The following SVOPL variants were observed in gnomAD, a reference collection of about 807,000 sequenced individuals.
The protein encoded by SVOPL is SVOP like.
In SVOPL, 60 loss-of-function variants were observed where a neutral mutation model predicts 61.0. That is an observed-to-expected ratio of 0.98 (90% CI 0.80 to 1.22). The LOEUF (loss-of-function observed/expected upper bound fraction) is 1.22, where lower values mean the gene tolerates loss of function less well. Among genes scored for constraint, SVOPL ranks in the 50% most tolerant of loss-of-function variants. SVOPL has a pLI of 0.00. For missense variants in SVOPL, 662 were observed against 643.9 expected (o/e 1.03, Z -0.30); for synonymous variants, 279 against 250.0 (o/e 1.12, Z -1.09).
intron 9 of SVOPL, among the ~76,000 whole-genome samples, chr7:138,640,672 CAA>C (rs1800738527): frequency 1.3e-5 from 2 of 152,096 alleles, no homozygotes; most frequent in African/African-American, 4.8e-5. Flanking sequence ...AACAGAAAGC[CAA>C]ATACCATATG....
intron 9 of SVOPL, among the ~76,000 whole-genome samples, chr7:138,641,813 G>GTT (rs1001773262): frequency 1.4e-4 from 3 of 21,860 alleles, no homozygotes; most frequent in African/African-American, 3.7e-4. Context: ...ATATATATAT[G>GTT]TTATATATAT....
intron 5 of SVOPL, 104 bp downstream of exon 5, chr7:138,662,970 G>C (rs1223371827): frequency 1.9e-6 from 3 of 1,560,318 alleles, no homozygotes; most frequent in Non-Finnish European, 2.6e-6. Flanking sequence ...TTTCTATCTT[G>C]GGTATTGGGA....
chr7:138,671,873 A>C lies in SVOPL; in HGVS notation c.273+146T>G, dbSNP rs1369600839. On this transcript the variant is annotated intron_variant, in intron 4 of 15. Coordinates refer to ENST00000674285, the MANE Select transcript of SVOPL (RefSeq NM_001139456.2). Reference sequence around the variant, plus strand: ...TGCTAGGAAAAGAAAAAGGTGACGAAGACATCAAATGCTGCAAACCCTTGA... The same window carrying C: ...TGCTAGGAAAAGAAAAAGGTGACGACGACATCAAATGCTGCAAACCCTTGA... The C allele has an allele frequency of 1.4e-5, 9 of 657,738 alleles. No individual in the cohort carries two copies. In the East Asian group the frequency reaches 2.2e-4, roughly 16 times the overall value. The allele number at this position is 657,738 out of a possible 1,614,324, so 40.7% of individuals were successfully genotyped here. A position where few individuals can be genotyped will look rare whatever the true frequency, so the allele number is the denominator to read the frequency against.
At chr7:138,615,962 C>A (rs1236710781) in intron 14 of SVOPL, among the ~76,000 whole-genome samples, 3 of 140,206 alleles carry the variant, frequency 2.1e-5, no homozygotes, top group African/African-American at 5.4e-5. Context: ...CCTCACTAGA[C>A]CCAGTTTAAG....
At chr7:138,688,250 CAGT>C (rs1221106401) in intron 1 of SVOPL, among the ~76,000 whole-genome samples, 3 of 151,462 alleles carry the variant, frequency 2.0e-5, no homozygotes, top group Non-Finnish European at 4.4e-5. Context: ...ACTTCCTACT[CAGT>C]AGGATGCCGA....
At chr7:138,643,439 A>C (rs966250812) in intron 9 of SVOPL, among the ~76,000 whole-genome samples, 1 of 151,542 alleles carries the variant, frequency 6.6e-6, no homozygotes, top group Non-Finnish European at 1.5e-5. Flanking sequence ...AAAAAAAAAA[A>C]AAAGAAAGTG....
intron 10 of SVOPL, among the ~76,000 whole-genome samples, chr7:138,628,591 C>T (rs767712411): frequency 6.6e-6 from 1 of 152,156 alleles, no homozygotes; most frequent in Non-Finnish European, 1.5e-5. Context: ...CCATAGTATA[C>T]ACATATTTCC....
At chr7:138,600,716 C>A (rs754117277) in intron 14 of SVOPL, among the ~76,000 whole-genome samples, 2 of 151,946 alleles carry the variant, frequency 1.3e-5, no homozygotes, top group Non-Finnish European at 1.5e-5. Context: ...ATACAAATGG[C>A]CAAGAGGTAT....
chr7:138,639,160 C>T (rs1800651564), intron 9 of SVOPL, among the ~76,000 whole-genome samples: 1 of 152,074 alleles, frequency 6.6e-6, no homozygotes, highest in Non-Finnish European at 1.5e-5. Context: ...GGGGCTGAGG[C>T]AGGAGAATTG....
chr7:138,678,724 C>T (rs771800275), intron 2 of SVOPL, among the ~76,000 whole-genome samples, 199 bp from the exon 3 acceptor site: 42 of 152,212 alleles, frequency 2.8e-4, no homozygotes, highest in Middle Eastern at 3.4e-3. Flanking sequence ...ACACCCACTG[C>T]CACACTGGCC....
At chr7:138,653,217 A>G (rs1208292499) in intron 7 of SVOPL, among the ~76,000 whole-genome samples, 1 of 152,190 alleles carries the variant, frequency 6.6e-6, no homozygotes, top group Non-Finnish European at 1.5e-5. Context: ...GCAAGGTGAA[A>G]CAGCAAGTGC....
At chr7:138,624,147 G>C (rs1411564557) in intron 13 of SVOPL, among the ~76,000 whole-genome samples, 1 of 152,184 alleles carries the variant, frequency 6.6e-6, no homozygotes, top group Non-Finnish European at 1.5e-5. Context: ...GGAATTTCAT[G>C]TTGTAATTCC....
intron 14 of SVOPL, among the ~76,000 whole-genome samples, chr7:138,600,087 A>T (rs1209140617): frequency 6.6e-6 from 1 of 152,188 alleles, no homozygotes; most frequent in Non-Finnish European, 1.5e-5. Flanking sequence ...GTTTGCCAAA[A>T]AACTTGATAG....
At chr7:138,700,503 T>C (rs1584876019) in intron 1 of SVOPL, among the ~76,000 whole-genome samples, 1 of 152,100 alleles carries the variant, frequency 6.6e-6, no homozygotes, top group East Asian at 1.9e-4. Context: ...CATGCATGGC[T>C]AATTTTTTTG....
chr7:138,604,307 A>C (rs1167272698), intron 14 of SVOPL, among the ~76,000 whole-genome samples: 2 of 152,202 alleles, frequency 1.3e-5, no homozygotes, highest in East Asian at 3.8e-4. Context: ...ACTTCTATGA[A>C]GCTTTACAAC....
rs202002968 is a variant in SVOPL, at chr7:138,622,038, G to C, written c.1264-903C>G. On this transcript the variant is annotated intron_variant, in intron 13 of 15. Coordinates refer to ENST00000674285, the MANE Select transcript of SVOPL (RefSeq NM_001139456.2). Reference sequence around the variant, plus strand: ...TCTATGTATCTATCTATCTATCTATGTATCTATCTATCTATGTATCTATCT... The same window carrying C: ...TCTATGTATCTATCTATCTATCTATCTATCTATCTATCTATGTATCTATCT... 4.8e-3 allele frequency among the ~76,000 whole-genome samples: 47 copies of C among 9,800 alleles called. 1 individual carries two copies. Among genetic ancestry groups the C allele is most frequent in the Admixed American group, 7.1e-3 (5 of 706 alleles). The allele number at this position is 9,800 out of a possible 152,430, so 6.4% of individuals were successfully genotyped here. A position where few individuals can be genotyped will look rare whatever the true frequency, so the allele number is the denominator to read the frequency against.
chr7:138,625,841 T>C, intron 13 of SVOPL, 128 bp downstream of exon 13: 1 of 926,122 alleles, frequency 1.1e-6, no homozygotes, highest in Non-Finnish European at 1.6e-6. Flanking sequence ...TCTGGTGTCT[T>C]TTTAACAGAT....
chr7:138,645,818 GT>G (rs1801074437), intron 8 of SVOPL: 1 of 160,256 alleles, frequency 6.2e-6, no homozygotes, highest in African/African-American at 2.4e-5. Flanking sequence ...TTTTTGTTTC[GT>G]TTTGTTTTGT....
intron 1 of SVOPL, among the ~76,000 whole-genome samples, chr7:138,688,054 G>GC (rs985653083): frequency 6.6e-6 from 1 of 152,064 alleles, no homozygotes; most frequent in Non-Finnish European, 1.5e-5. Flanking sequence ...ACCCGCCTCG[G>GC]CCCCCCACAG....
Sources: allele counts gnomAD v4.1 joint callset (sites outside exome capture counted in the v4.1 genomes callset), GRCh38; gene constraint gnomAD v4.1.1; transcripts MANE v1.5; gene names NCBI Gene and HGNC (gene_info 2026-07-23, HGNC 2026-07-21).